IL15: variants seen among roughly 807,000 people sequenced by gnomAD.
IL15 encodes interleukin-15.
In IL15, 11 loss-of-function variants were observed where a neutral mutation model predicts 19.6. The observed-to-expected ratio is 0.56, with a 90% CI of 0.35 to 0.93. IL15 has a LOEUF of 0.93. Among genes scored for constraint, IL15 ranks in the 40% least tolerant of loss-of-function variants. The pLI is 0.01. For missense variants in IL15, 197 were observed against 186.5 expected (o/e 1.06, Z -0.33); for synonymous variants, 58 against 59.6 (o/e 0.97, Z 0.12).
At chr4:141,662,061 A>C (rs895735457) in intron 2 of IL15, among the ~76,000 whole-genome samples, 1 of 152,232 alleles carries the variant, frequency 6.6e-6, no homozygotes, top group Non-Finnish European at 1.5e-5. Context: ...TTTCTTTCAG[A>C]GAATAAAACA....
intron 1 of IL15, among the ~76,000 whole-genome samples, chr4:141,643,887 G>T (rs1423589320): frequency 6.6e-6 from 1 of 151,586 alleles, no homozygotes; most frequent in Non-Finnish European, 1.5e-5. Context: ...TCTCTGATTG[G>T]ATGTCTAATA....
At chr4:141,696,898 C>T (rs577162418) in intron 2 of IL15, among the ~76,000 whole-genome samples, 16 of 151,636 alleles carry the variant, frequency 1.1e-4, no homozygotes, top group Admixed American at 3.9e-4. Context: ...GGTCCTTGTA[C>T]GTTATGAATA....
intron 4 of IL15, chr4:141,721,297 G>A: frequency 1.5e-6 from 1 of 657,820 alleles, no homozygotes; most frequent in Non-Finnish European, 2.7e-6. Context: ...TACTTGGTCA[G>A]TATAAGTGTA....
At chr4:141,663,407 T>C (rs2152163124) in intron 2 of IL15, among the ~76,000 whole-genome samples, 1 of 152,336 alleles carries the variant, frequency 6.6e-6, no homozygotes, top group South Asian at 2.1e-4. Flanking sequence ...ATCATAGTTT[T>C]ATGTGACACA....
intron 2 of IL15, among the ~76,000 whole-genome samples, chr4:141,687,148 T>A (rs1728737722): frequency 6.6e-6 from 1 of 152,204 alleles, no homozygotes; most frequent in East Asian, 1.9e-4. Flanking sequence ...CTTGGCATGG[T>A]CTCAGACAGG....
chr4:141,715,889 T>C (rs979495677), intron 2 of IL15: 2 of 152,178 alleles, frequency 1.3e-5, no homozygotes, highest in African/African-American at 4.8e-5. Context: ...AATATTGGTA[T>C]AGAATGTAAG....
chr4:141,641,806 G>T (rs757018934), intron 1 of IL15, among the ~76,000 whole-genome samples: 9 of 150,958 alleles, frequency 6.0e-5, no homozygotes, highest in Non-Finnish European at 1.0e-4. Flanking sequence ...AAACCTGCAC[G>T]TTGTGCACAT....
At chr4:141,649,856 TA>T (rs1277180427) in intron 1 of IL15, among the ~76,000 whole-genome samples, 2 of 151,960 alleles carry the variant, frequency 1.3e-5, no homozygotes, top group East Asian at 3.9e-4. Flanking sequence ...CTGAGAAGAA[TA>T]AAAATAGATT....
chr4:141,703,437 A>G (rs990951456), intron 2 of IL15, among the ~76,000 whole-genome samples: 3 of 152,184 alleles, frequency 2.0e-5, no homozygotes, highest in Non-Finnish European at 4.4e-5. Flanking sequence ...CTAGAGACTC[A>G]GAATACCTGC....
At chr4:141,656,858 G>T (rs1166080390) in intron 2 of IL15, among the ~76,000 whole-genome samples, 1 of 152,166 alleles carries the variant, frequency 6.6e-6, no homozygotes, top group African/African-American at 2.4e-5. Context: ...GATATTAGAA[G>T]ATAATGTAGA....
At chr4:141,690,150 G>C (rs756731930) in intron 2 of IL15, among the ~76,000 whole-genome samples, 7 of 152,180 alleles carry the variant, frequency 4.6e-5, no homozygotes, top group Non-Finnish European at 1.0e-4. Context: ...CGTCTGCTCC[G>C]ACTGCGTGGC....
chr4:141,732,771 G>A lies in IL15; in HGVS notation c.412G>A (p.Glu138Lys), dbSNP rs1391583180. The A allele has an allele frequency of 6.2e-7, 1 of 1,612,652 alleles. No individual in the cohort carries two copies. Among genetic ancestry groups the A allele is most frequent in the Non-Finnish European group, 8.5e-7 (1 of 1,179,496 alleles). Residue 138 changes from glutamate to lysine, a missense_variant, in exon 8 of 8, where the codon GAA (glutamate) becomes AAA (lysine). Physicochemically the swap from Glu to Lys is moderately conservative, Grantham distance 56. Transcript: ENST00000320650. The stretch of plus-strand genomic sequence containing the variant: ...AGAATCTGGATGCAAAGAATGTGAG[G>A]AACTGGAGGAAAAAAATATTAAAGA... The part of the protein sequence containing the change: ...VTESGCKECE[E>K]LEEKNIKEFL...
chr4:141,706,444 A>G (rs1463161638), intron 2 of IL15, among the ~76,000 whole-genome samples: 1 of 152,128 alleles, frequency 6.6e-6, no homozygotes, highest in African/African-American at 2.4e-5. Context: ...CTAGAGGATT[A>G]AAAGATTTGC....
At chr4:141,674,581 C>G (rs1028512864) in intron 2 of IL15, among the ~76,000 whole-genome samples, 1 of 150,542 alleles carries the variant, frequency 6.6e-6, no homozygotes, top group Non-Finnish European at 1.5e-5. Context: ...GAAGACTTCA[C>G]CTCAAAAAAA....
At chr4:141,641,285 C>T (rs2152149397) in intron 1 of IL15, among the ~76,000 whole-genome samples, 1 of 152,232 alleles carries the variant, frequency 6.6e-6, no homozygotes, top group South Asian at 2.1e-4. Flanking sequence ...AAAACACTAT[C>T]ATTATAAAAT....
chr4:141,695,343 T>G (rs1729058657), intron 2 of IL15, among the ~76,000 whole-genome samples: 1 of 149,354 alleles, frequency 6.7e-6, no homozygotes, highest in Admixed American at 6.7e-5. Context: ...CTTGTCTTTC[T>G]GTGTCTGGCT....
chr4:141,693,459 C>A (rs565100171), intron 2 of IL15, among the ~76,000 whole-genome samples: 2 of 152,264 alleles, frequency 1.3e-5, no homozygotes, highest in African/African-American at 4.8e-5. Flanking sequence ...CTGACACATA[C>A]GGGATATTCA....
intron 2 of IL15, among the ~76,000 whole-genome samples, chr4:141,705,324 C>G (rs1248261091): frequency 6.6e-6 from 1 of 151,698 alleles, no homozygotes; most frequent in Non-Finnish European, 1.5e-5. Flanking sequence ...ACTTTTACTT[C>G]CCTCATTGAC....
intron 2 of IL15, among the ~76,000 whole-genome samples, chr4:141,711,781 T>C (rs1365065872): frequency 6.6e-6 from 1 of 152,126 alleles, no homozygotes; most frequent in Non-Finnish European, 1.5e-5. Context: ...TCATAGACAT[T>C]CTGTGGGTCT....
Sources: allele counts gnomAD v4.1 joint callset (sites outside exome capture counted in the v4.1 genomes callset), GRCh38; gene constraint gnomAD v4.1.1; transcripts MANE v1.5; gene names NCBI Gene and HGNC (gene_info 2026-07-23, HGNC 2026-07-21).